UBE2V1: variants seen among roughly 807,000 people sequenced by gnomAD.
The protein encoded by UBE2V1 is ubiquitin conjugating enzyme E2 V1.
Under a neutral mutation model 19.6 loss-of-function variants are expected in UBE2V1, and 15 were observed. That is an observed-to-expected ratio of 0.77 (90% CI 0.51 to 1.18). The LOEUF is 1.18. Among genes scored for constraint, UBE2V1 ranks in the 50% most tolerant of loss-of-function variants. The pLI, the probability that UBE2V1 is intolerant of heterozygous loss-of-function variation, is 0.00. For missense variants in UBE2V1, 125 were observed against 184.8 expected (o/e 0.68, Z 1.88); for synonymous variants, 60 against 60.7 (o/e 0.99, Z 0.05).
intron 1 of UBE2V1, among the ~76,000 whole-genome samples, chr20:50,110,719 G>A (rs2080697724): frequency 1.3e-5 from 2 of 152,164 alleles, no homozygotes; most frequent in Middle Eastern, 3.2e-3. Flanking sequence ...CCAGACACTT[G>A]TTTGATGGCT....
intron 2 of UBE2V1, among the ~76,000 whole-genome samples, chr20:50,089,834 C>T (rs2079120832): frequency 6.6e-6 from 1 of 152,188 alleles, no homozygotes; most frequent in African/African-American, 2.4e-5. Context: ...ACCACATGAT[C>T]CTAATAGAAA....
intron 2 of UBE2V1, chr20:50,094,815 T>C (rs2079529778): frequency 6.6e-6 from 1 of 152,130 alleles, no homozygotes; most frequent in East Asian, 1.9e-4. Flanking sequence ...TAGTGACGGA[T>C]GCACAACTCT....
At chr20:50,096,923 C>A in intron 1 of UBE2V1, 103 bp from the exon 2 acceptor site, 1 of 1,534,454 alleles carries the variant, frequency 6.5e-7, no homozygotes, top group Admixed American at 2.1e-5. Flanking sequence ...AAGATGCTAA[C>A]ATGCAAAAAA....
At chr20:50,113,192 C>T, upstream of UBE2V1, 2 of 1,234,880 alleles carry the variant, frequency 1.6e-6, no homozygotes, top group South Asian at 3.3e-5. Flanking sequence ...TCCCCCGGCC[C>T]TGATGCGCAG....
intron 2 of UBE2V1, among the ~76,000 whole-genome samples, chr20:50,088,808 G>T (rs2079067025): frequency 6.7e-6 from 1 of 149,654 alleles, no homozygotes; most frequent in Admixed American, 6.7e-5. Context: ...AAAAGTATGA[G>T]ATATGAGAAA....
chr20:50,113,786 C>CATTG (rs2080921739), upstream of UBE2V1, among the ~76,000 whole-genome samples: 1 of 114,742 alleles, frequency 8.7e-6, no homozygotes, highest in African/African-American at 4.6e-5. Context: ...TTCATTCATT[C>CATTG]ATTCATTCGT....
chr20:50,084,258 G>C lies in UBE2V1; in HGVS notation c.172-4C>G. On this transcript the variant is annotated splice_region_variant and splice_polypyrimidine_tract_variant and intron_variant, in intron 2 of 3. Transcript: ENST00000371674. ...ATATTCGGTTTTCATAAATTGTCTG[G>C]AAAAAAAGAGTACGGAGATGTCACG... 6.2e-7 allele frequency: 1 copy of C among 1,609,312 alleles called. No individual in the cohort carries two copies. Among genetic ancestry groups the C allele is most frequent in the Non-Finnish European group, 8.5e-7 (1 of 1,176,594 alleles).
intron 1 of UBE2V1, among the ~76,000 whole-genome samples, chr20:50,097,770 A>G (rs2079725889): frequency 6.6e-6 from 1 of 152,188 alleles, no homozygotes; most frequent in African/African-American, 2.4e-5. Context: ...TGAGCTCTCA[A>G]TTGGCCAGAC....
At chr20:50,088,174 A>C (rs2079032190) in intron 2 of UBE2V1, among the ~76,000 whole-genome samples, 1 of 151,976 alleles carries the variant, frequency 6.6e-6, no homozygotes, top group Admixed American at 6.6e-5. Flanking sequence ...ACTCCTCAAA[A>C]CAGCCAAGGG....
Position 50,089,159 on chromosome 20 carries a change from GA to G in UBE2V1, c.172-4906del, listed in dbSNP as rs146444722. Among the ~76,000 whole-genome samples, 946 of 152,224 alleles carry G rather than the reference GA, an allele frequency of 6.2e-3. 18 individuals are homozygous for G. The highest frequency in any genetic ancestry group is 0.022 in the African/African-American group (900 of 41,534). ...TCTAAGCTAACACAGATGTAATAAC[GA>G]AATGAAGCAGGATGGAAACTCTTAA... is the stretch of plus-strand genomic sequence containing the variant. On this transcript the variant is annotated intron_variant, in intron 2 of 3. Coordinates refer to ENST00000371674, the MANE Select transcript of UBE2V1 (RefSeq NM_001032288.3).
At chr20:50,089,996 G>A (rs78068544) in intron 2 of UBE2V1, among the ~76,000 whole-genome samples, 1,824 of 152,154 alleles carry the variant, frequency 0.012, 36 homozygotes, top group African/African-American at 0.042. Flanking sequence ...TGCCCCGCAG[G>A]TGCCAGCAGC....
intron 3 of UBE2V1, chr20:50,083,588 GGA>G (rs1258474587): frequency 2.0e-5 from 3 of 153,306 alleles, no homozygotes; most frequent in African/African-American, 7.2e-5. Flanking sequence ...TCTTTGAACA[GGA>G]GAGCAGGCCT....
chr20:50,104,383 C>A, intron 1 of UBE2V1: 1 of 984,202 alleles, frequency 1.0e-6, no homozygotes, highest in Non-Finnish European at 1.2e-6. Context: ...CCTGGCTGGG[C>A]GCGGTGGCTC....
chr20:50,084,456 AAAG>A (rs1174071035), intron 2 of UBE2V1: 2 of 905,262 alleles, frequency 2.2e-6, no homozygotes, highest in African/African-American at 1.6e-5. Context: ...GGGGGAATAC[AAAG>A]AAGATGGAGC....
chr20:50,084,117 A>G lies in UBE2V1; in HGVS notation c.297+12T>C. On this transcript the variant is annotated intron_variant, in intron 3 of 3. Transcript: ENST00000371674. Reference sequence around the variant, plus strand: ...ACTCCAAGGAACAAGTGGGACAGAGAAAACAACTTACCACTCCATTAGAAC... The same window carrying G: ...ACTCCAAGGAACAAGTGGGACAGAGGAAACAACTTACCACTCCATTAGAAC... 6.4e-7 allele frequency: 1 copy of G among 1,566,280 alleles called. No individual in the cohort carries two copies. The highest frequency in any genetic ancestry group is 8.6e-7 in the Non-Finnish European group (1 of 1,161,094).
At chr20:50,099,551 C>CA (rs2079851566) in intron 1 of UBE2V1, among the ~76,000 whole-genome samples, 1 of 152,058 alleles carries the variant, frequency 6.6e-6, no homozygotes, top group Admixed American at 6.6e-5. Context: ...ATTTGCATAA[C>CA]AAAAAACCAA....
chr20:50,099,226 C>T (rs1012935609), intron 1 of UBE2V1, among the ~76,000 whole-genome samples: 3 of 152,108 alleles, frequency 2.0e-5, no homozygotes, highest in Non-Finnish European at 4.4e-5. Flanking sequence ...GAACTGTGTT[C>T]CCCTCAAATT....
intron 2 of UBE2V1, among the ~76,000 whole-genome samples, chr20:50,086,730 TA>T (rs112323068): frequency 1.7e-4 from 25 of 144,718 alleles, no homozygotes; most frequent in South Asian, 2.2e-4. Context: ...TGGAAGACAG[TA>T]AAAAAAAAAG....
chr20:50,093,987 C>CAAAAAAAAAAAAAAAA (rs60174191), intron 2 of UBE2V1, among the ~76,000 whole-genome samples: 5 of 56,306 alleles, frequency 8.9e-5, no homozygotes, highest in Non-Finnish European at 1.6e-4. Context: ...GACTCCAACT[C>CAAAAAAAAAAAAAAAA]AAAAAAAAAA....
Sources: allele counts gnomAD v4.1 joint callset (sites outside exome capture counted in the v4.1 genomes callset), GRCh38; gene constraint gnomAD v4.1.1; transcripts MANE v1.5; gene names NCBI Gene and HGNC (gene_info 2026-07-23, HGNC 2026-07-21).